The following PAK3 variants were observed in gnomAD, a reference collection of about 807,000 sequenced individuals.
PAK3 encodes serine/threonine-protein kinase PAK 3.
A neutral mutation model predicts 41.0 loss-of-function variants in PAK3; 4 were observed. The observed-to-expected ratio is 0.10, with a 90% CI of 0.05 to 0.22. PAK3 has a LOEUF of 0.22. PAK3 is among the 10% of genes least tolerant of loss of function. The probability of loss-of-function intolerance (pLI) is 1.00; values close to 1 mark genes in which losing one functional copy is unlikely to be tolerated. For synonymous variants in PAK3, 146 were observed against 139.6 expected, an observed-to-expected ratio of 1.05 and a Z score of -0.32; for missense variants, 205 against 409.9, an observed-to-expected ratio of 0.50 and a Z score of 4.32.
At chrX:111,082,861 T>C (rs2092846105) in intron 1 of PAK3, among the ~76,000 whole-genome samples, 1 of 111,843 alleles carries the variant, frequency 8.9e-6, no homozygotes, top group Admixed American at 9.5e-5. Context: ...ACCATGAGTT[T>C]CTTAAAGTCA....
chrX:110,980,805 C>T (rs1280254581), intron 1 of PAK3, among the ~76,000 whole-genome samples: 1 of 112,319 alleles, frequency 8.9e-6, no homozygotes, highest in African/African-American at 3.2e-5. Context: ...CTAGATTCTT[C>T]TAGGCCTCTC....
At chrX:110,969,955 C>T (rs2091171230) in intron 1 of PAK3, among the ~76,000 whole-genome samples, 1 of 111,796 alleles carries the variant, frequency 8.9e-6, no homozygotes, top group Non-Finnish European at 1.9e-5. Flanking sequence ...TTTTCTAATC[C>T]ATGGGATCTA....
chrX:111,000,282 C>T (rs1054314976), intron 1 of PAK3, among the ~76,000 whole-genome samples: 2 of 111,983 alleles, frequency 1.8e-5, no homozygotes, highest in African/African-American at 6.5e-5. Context: ...CTGTTTTAGT[C>T]AACTGGGGAT....
chrX:111,068,778 TGA>T (rs762118356), intron 1 of PAK3, among the ~76,000 whole-genome samples: 1 of 113,099 alleles, frequency 8.8e-6, no homozygotes, highest in African/African-American at 3.2e-5. Context: ...TCATCATCTT[TGA>T]TTGCTAAAGC....
intron 4 of PAK3, among the ~76,000 whole-genome samples, chrX:111,120,652 T>C (rs2148989478): frequency 8.9e-6 from 1 of 111,814 alleles, no homozygotes; most frequent in East Asian, 2.8e-4. Context: ...TCAGAAAATA[T>C]ATATCATCCA....
chrX:111,159,598 A>G (rs2094146183), intron 8 of PAK3, among the ~76,000 whole-genome samples: 1 of 111,686 alleles, frequency 9.0e-6, no homozygotes, highest in Non-Finnish European at 1.9e-5. Context: ...AAATTTCGAT[A>G]ACCCAAAGCC....
intron 1 of PAK3, among the ~76,000 whole-genome samples, chrX:111,035,164 A>G (rs568811375): frequency 1.9e-5 from 2 of 106,810 alleles, no homozygotes; most frequent in Non-Finnish European, 3.9e-5. Flanking sequence ...AGGAAGAAAG[A>G]AAGAAAGAAA....
upstream of PAK3, among the ~76,000 whole-genome samples, chrX:111,095,673 C>A (rs1192630909): frequency 8.9e-6 from 1 of 112,061 alleles, no homozygotes; most frequent in East Asian, 2.8e-4. Context: ...ACTGCCATCT[C>A]TTTGAATTCC....
At chrX:110,955,706 C>T (rs1420460757) in intron 1 of PAK3, among the ~76,000 whole-genome samples, 1 of 112,081 alleles carries the variant, frequency 8.9e-6, no homozygotes, top group African/African-American at 3.2e-5. Context: ...TTGCTTACTC[C>T]ATGTCTAATG....
At chrX:111,028,487 C>G (rs896228384) in intron 1 of PAK3, among the ~76,000 whole-genome samples, 1 of 109,562 alleles carries the variant, frequency 9.1e-6, no homozygotes, top group African/African-American at 3.3e-5. Flanking sequence ...TATATTTTAC[C>G]ACAATGAAAA....
In PAK3 at chrX:111,037,494, G is replaced by A. The variant is rs898632673; in HGVS notation, c.-27-85583G>A. On this transcript the variant is annotated intron_variant, in intron 1 of 14. Coordinates refer to the PAK3 transcript ENST00000425146. ...GGCTTTACCACTCAAAGAAAAGCAA[G>A]TGTTTCAGTTCTGGGCAGAAATAGC... Among the ~76,000 whole-genome samples the A allele has an allele frequency of 2.7e-5, 3 of 111,432 alleles. No homozygotes were observed. The Admixed American group carries it at 2.9e-4, about 11-fold the overall frequency.
intron 16 of PAK3, among the ~76,000 whole-genome samples, chrX:111,202,289 A>G (rs2094692623): frequency 9.0e-6 from 1 of 111,720 alleles, no homozygotes; most frequent in Admixed American, 9.5e-5. Flanking sequence ...TAATTTGTTC[A>G]TAAAATGCCT....
intron 11 of PAK3, among the ~76,000 whole-genome samples, chrX:111,191,586 T>C (rs1229208508): frequency 8.9e-6 from 1 of 111,853 alleles, no homozygotes; most frequent in East Asian, 2.8e-4. Context: ...GTCTTAAAAA[T>C]TGGAAATATA....
intron 16 of PAK3, among the ~76,000 whole-genome samples, chrX:111,203,745 TA>T (rs2094708865): frequency 1.8e-5 from 2 of 112,121 alleles, no homozygotes; most frequent in African/African-American, 6.5e-5. Context: ...AAACTGTTTC[TA>T]AATCCCTCCA....
At chrX:111,000,986 T>C (rs2091837329) in intron 1 of PAK3, among the ~76,000 whole-genome samples, 1 of 111,161 alleles carries the variant, frequency 9.0e-6, no homozygotes, top group African/African-American at 3.3e-5. Flanking sequence ...AAGGCCTCAC[T>C]GAGATGACAT....
At chrX:111,062,407 C>T (rs751699678) in intron 1 of PAK3, among the ~76,000 whole-genome samples, 39 of 112,059 alleles carry the variant, frequency 3.5e-4, no homozygotes, top group Non-Finnish European at 4.1e-4. Flanking sequence ...GTGTGTGGTA[C>T]GTACAAACTT....
chrX:111,078,024 C>G (rs777685722), intron 1 of PAK3, among the ~76,000 whole-genome samples: 1 of 111,741 alleles, frequency 8.9e-6, no homozygotes, highest in Non-Finnish European at 1.9e-5. Flanking sequence ...TTTCTCAAAA[C>G]AAGACATGCA....
intron 4 of PAK3, among the ~76,000 whole-genome samples, chrX:111,111,762 A>G (rs192378805): frequency 2.7e-5 from 3 of 111,761 alleles, no homozygotes; most frequent in Middle Eastern, 4.6e-3. Context: ...GCTTGCAAAA[A>G]CCATTAGGCC....
intron 1 of PAK3, among the ~76,000 whole-genome samples, chrX:110,951,550 C>T (rs983096202): frequency 9.8e-5 from 11 of 111,861 alleles, no homozygotes; most frequent in African/African-American, 3.6e-4. Context: ...TACATTTTCC[C>T]CCTCCTCCTG....
Sources: gnomAD v4.1 joint callset for allele counts (sites outside exome capture counted in the v4.1 genomes callset) on GRCh38, gnomAD v4.1.1 for gene constraint, MANE v1.5 for transcripts, NCBI Gene and HGNC (gene_info 2026-07-23, HGNC 2026-07-21) for gene names.